The following CHL1 variants were observed in gnomAD, a reference collection of about 807,000 sequenced individuals.
CHL1 encodes neural cell adhesion molecule L1-like protein.
Under a neutral mutation model 141.9 loss-of-function variants are expected in CHL1, and 96 were observed. The ratio of observed to expected loss-of-function variants is 0.68; its 90% CI spans 0.57 to 0.80. The LOEUF is 0.80. Among genes scored for constraint, CHL1 ranks in the 30% least tolerant of loss-of-function variants. The probability of loss-of-function intolerance (pLI) is 0.00; values close to 1 mark genes in which losing one functional copy is unlikely to be tolerated. For missense variants in CHL1, 1,820 were observed against 1,457.2 expected (o/e 1.25, Z -4.05); for synonymous variants, 613 against 502.2 (o/e 1.22, Z -2.95).
At chr3:217,738 A>G (rs1426262038) in intron 1 of CHL1, 6 of 152,264 alleles carry the variant, frequency 3.9e-5, no homozygotes, top group East Asian at 1.9e-4. Context: ...CTTGTAGGTC[A>G]TGGACAACAA....
At chr3:398,627 C>T (rs1030043056) in intron 25 of CHL1, among the ~76,000 whole-genome samples, 5 of 152,086 alleles carry the variant, frequency 3.3e-5, no homozygotes, top group African/African-American at 1.2e-4. Context: ...TGCTAATTAA[C>T]ATATCTTAAT....
At chr3:248,529 G>C (rs764442383) in intron 2 of CHL1, 9 of 152,002 alleles carry the variant, frequency 5.9e-5, no homozygotes, top group Non-Finnish European at 1.3e-4. Flanking sequence ...AATTTGATGA[G>C]TTTGGACATA....
At chr3:402,910 C>T (rs185745620) in intron 27 of CHL1, among the ~76,000 whole-genome samples, 7 of 152,306 alleles carry the variant, frequency 4.6e-5, no homozygotes, top group African/African-American at 1.7e-4. Context: ...ACCACCAATA[C>T]TCAACAGCTT....
At chr3:289,087 A>G (rs1267209247) in intron 2 of CHL1, among the ~76,000 whole-genome samples, 4 of 152,226 alleles carry the variant, frequency 2.6e-5, no homozygotes. Context: ...CCTAGAACTC[A>G]AGAGAAATGA....
chr3:339,095 A>G (rs983109162), intron 5 of CHL1, among the ~76,000 whole-genome samples: 4 of 152,112 alleles, frequency 2.6e-5, no homozygotes, highest in African/African-American at 9.7e-5. Flanking sequence ...TGCCTCTTGT[A>G]TCTGAGTATA....
At chr3:290,947 AAAG>A in intron 2 of CHL1, among the ~76,000 whole-genome samples, 1 of 151,816 alleles carries the variant, frequency 6.6e-6, no homozygotes, top group African/African-American at 2.4e-5. Context: ...AAAAAAAAAA[AAAG>A]AAAGAAAGAA....
At chr3:276,617 C>T (rs671932) in intron 2 of CHL1, among the ~76,000 whole-genome samples, 38,257 of 151,470 alleles carry the variant, frequency 0.25, 7,493 homozygotes, top group African/African-American at 0.55. Flanking sequence ...GGGCTGGGCA[C>T]GGTGGCTCAC....
intron 2 of CHL1, among the ~76,000 whole-genome samples, chr3:285,371 T>C (rs1428274773): frequency 6.6e-6 from 1 of 152,240 alleles, no homozygotes; most frequent in Non-Finnish European, 1.5e-5. Flanking sequence ...TTAAAAGTAG[T>C]GTCACCAGAG....
intron 1 of CHL1, among the ~76,000 whole-genome samples, chr3:240,184 T>G (rs1483822309): frequency 6.6e-6 from 1 of 152,204 alleles, no homozygotes; most frequent in Non-Finnish European, 1.5e-5. Context: ...TTTTCCATAG[T>G]GGTTGTGCTA....
At chr3:335,054 A>T (rs1420615991) in intron 5 of CHL1, among the ~76,000 whole-genome samples, 1 of 152,258 alleles carries the variant, frequency 6.6e-6, no homozygotes, top group Non-Finnish European at 1.5e-5. Context: ...AATTAGAAAT[A>T]TTCATGCACT....
intron 2 of CHL1, among the ~76,000 whole-genome samples, chr3:289,931 CTTT>C (rs769872997): frequency 8.8e-5 from 9 of 102,778 alleles, no homozygotes; most frequent in African/African-American, 3.5e-4. Flanking sequence ...CCACTGGTAT[CTTT>C]TTTTTTTTTT....
intron 5 of CHL1, 133 bp from the exon 6 acceptor site, chr3:340,661 G>C (rs73817631): frequency 2.8e-6 from 2 of 718,292 alleles, no homozygotes; most frequent in Non-Finnish European, 4.5e-6. Flanking sequence ...AAGGGGAGAT[G>C]TAAGAACCAG....
intron 2 of CHL1, among the ~76,000 whole-genome samples, chr3:280,337 A>G (rs1316001542): frequency 6.6e-6 from 1 of 152,142 alleles, no homozygotes; most frequent in East Asian, 1.9e-4. Context: ...ATTTTCTAAC[A>G]AAGTATGTCA....
chr3:368,459 A>G (rs545582359), intron 15 of CHL1, among the ~76,000 whole-genome samples: 123 of 152,204 alleles, frequency 8.1e-4, no homozygotes, highest in Admixed American at 1.0e-3. Context: ...TTTCTTATAA[A>G]TATGTTTAAG....
chr3:264,653 A>G (rs6807353), intron 2 of CHL1, among the ~76,000 whole-genome samples: 8,130 of 152,294 alleles, frequency 0.053, 697 homozygotes, highest in African/African-American at 0.19. Flanking sequence ...GGAAGCTAGA[A>G]GTCAATACTC....
intron 2 of CHL1, among the ~76,000 whole-genome samples, chr3:281,743 A>G (rs895374829): frequency 6.6e-6 from 1 of 151,956 alleles, no homozygotes. Flanking sequence ...TATTTTTAGT[A>G]GAGATGGGGT....
intron 16 of CHL1, among the ~76,000 whole-genome samples, chr3:378,696 T>G (rs1043110206): frequency 2.0e-5 from 3 of 152,306 alleles, no homozygotes; most frequent in Admixed American, 6.5e-5. Flanking sequence ...AGTGTTGTAC[T>G]GATTCTCCCT....
intron 6 of CHL1, among the ~76,000 whole-genome samples, chr3:341,514 T>C (rs1225041907): frequency 1.2e-4 from 18 of 152,188 alleles, no homozygotes; most frequent in Admixed American, 1.2e-3. Flanking sequence ...GCTTTTTGTT[T>C]TTTCTTTTTA....
At chr3:204,179 G>C (rs1159281337) in intron 1 of CHL1, among the ~76,000 whole-genome samples, 1 of 152,214 alleles carries the variant, frequency 6.6e-6, no homozygotes, top group Non-Finnish European at 1.5e-5. Flanking sequence ...TGACATAGCA[G>C]AGAGAATAAT....
Sources: gnomAD v4.1 joint callset for allele counts (sites outside exome capture counted in the v4.1 genomes callset) on GRCh38, gnomAD v4.1.1 for gene constraint, MANE v1.5 for transcripts, NCBI Gene and HGNC (gene_info 2026-07-23, HGNC 2026-07-21) for gene names.